MAPK10: variants seen among roughly 807,000 people sequenced by gnomAD.
MAPK10 encodes JNK3 alpha protein kinase.
A neutral mutation model predicts 59.3 loss-of-function variants in MAPK10; 25 were observed. The ratio of observed to expected loss-of-function variants is 0.42; its 90% confidence interval spans 0.31 to 0.59. The LOEUF (loss-of-function observed/expected upper bound fraction) is 0.59, where lower values mean the gene tolerates loss of function less well. Among genes scored for constraint, MAPK10 ranks in the 20% least tolerant of loss-of-function variants. MAPK10 has a pLI of 0.15. For missense variants in MAPK10, 351 were observed against 568.9 expected, an observed-to-expected ratio of 0.62 and a Z score of 3.90; for synonymous variants, 190 against 200.5, an observed-to-expected ratio of 0.95 and a Z score of 0.44.
At chr4:86,590,769 G>C (rs1565088020) in intron 1 of MAPK10, among the ~76,000 whole-genome samples, 1 of 151,844 alleles carries the variant, frequency 6.6e-6, no homozygotes, top group South Asian at 2.1e-4. Context: ...CTGGGTAACA[G>C]AGCAAGACCG....
At chr4:86,291,191 T>C (rs774015964) in intron 2 of MAPK10, among the ~76,000 whole-genome samples, 3 of 152,210 alleles carry the variant, frequency 2.0e-5, no homozygotes, top group Non-Finnish European at 4.4e-5. Flanking sequence ...AGTCATCTGT[T>C]CACTAAATAT....
chr4:86,319,704 G>C, intron 2 of MAPK10, among the ~76,000 whole-genome samples: 1 of 152,136 alleles, frequency 6.6e-6, no homozygotes, highest in East Asian at 1.9e-4. Flanking sequence ...CTCAGCCCTT[G>C]AACAAGCCCA....
intron 2 of MAPK10, among the ~76,000 whole-genome samples, chr4:86,265,298 C>T (rs1179280989): frequency 1.3e-5 from 2 of 151,860 alleles, no homozygotes; most frequent in Admixed American, 6.6e-5. Context: ...CACTTGAGGT[C>T]AGGAGTTTGA....
chr4:86,473,412 T>C (rs1752813209), intron 1 of MAPK10, among the ~76,000 whole-genome samples: 1 of 152,152 alleles, frequency 6.6e-6, no homozygotes, highest in Non-Finnish European at 1.5e-5. Flanking sequence ...TCAAAATAGA[T>C]TGAGTATAGA....
intron 1 of MAPK10, among the ~76,000 whole-genome samples, chr4:86,561,501 A>G (rs1002936776): frequency 2.0e-5 from 3 of 152,158 alleles, no homozygotes; most frequent in African/African-American, 7.2e-5. Flanking sequence ...CCTCTTATCT[A>G]CAATCAACTG....
At chr4:86,484,393 G>A (rs190682743) in intron 1 of MAPK10, among the ~76,000 whole-genome samples, 74 of 152,026 alleles carry the variant, frequency 4.9e-4, no homozygotes, top group Non-Finnish European at 7.9e-4. Flanking sequence ...GCAAGCTTTC[G>A]TAATGTTCTC....
chr4:86,400,126 G>A (rs951459022), intron 1 of MAPK10, among the ~76,000 whole-genome samples: 1 of 152,066 alleles, frequency 6.6e-6, no homozygotes, highest in Non-Finnish European at 1.5e-5. Flanking sequence ...CACATATAAA[G>A]TTCCTGCTAA....
chr4:86,278,759 TC>T (rs1305723974), intron 2 of MAPK10, among the ~76,000 whole-genome samples: 4 of 152,046 alleles, frequency 2.6e-5, no homozygotes, highest in Non-Finnish European at 5.9e-5. Flanking sequence ...AAAAAGTCCT[TC>T]CCCCAAATTC....
intron 1 of MAPK10, among the ~76,000 whole-genome samples, chr4:86,393,616 T>A (rs1352777984): frequency 6.6e-6 from 1 of 152,174 alleles, no homozygotes; most frequent in African/African-American, 2.4e-5. Flanking sequence ...CAAGTAATAT[T>A]TTTAGCTTTT....
At chr4:86,548,168 C>T (rs141098794) in intron 1 of MAPK10, among the ~76,000 whole-genome samples, 5,536 of 152,206 alleles carry the variant, frequency 0.036, 177 homozygotes, top group Non-Finnish European at 0.057. Context: ...AGCTTCACTC[C>T]TGAAGCCAGC....
intron 1 of MAPK10, among the ~76,000 whole-genome samples, chr4:86,451,224 T>C (rs1316775807): frequency 1.3e-5 from 2 of 152,180 alleles, no homozygotes; most frequent in African/African-American, 2.4e-5. Flanking sequence ...ATTACATTTT[T>C]ATCATTCGGT....
chr4:86,545,472 T>TG (rs1759075998), intron 1 of MAPK10, among the ~76,000 whole-genome samples: 1 of 152,130 alleles, frequency 6.6e-6, no homozygotes, highest in Non-Finnish European at 1.5e-5. Context: ...GTGAAGGCCG[T>TG]GACGAAAAGA....
At chr4:86,018,053 CTG>C in intron 13 of MAPK10, among the ~76,000 whole-genome samples, 1 of 152,320 alleles carries the variant, frequency 6.6e-6, no homozygotes, top group South Asian at 2.1e-4. Context: ...TCCTCAGAGA[CTG>C]TATTCAGCCA....
Position 86,298,749 on chromosome 4 carries a change from C to A in MAPK10, c.-7+55781G>T, listed in dbSNP as rs567562466. ...TTCTTGGTGACTGGCCCAAATACAACTTTTACCATTTCATAACCGTCTTCT... is the reference window on the plus strand; with the variant it reads ...TTCTTGGTGACTGGCCCAAATACAAATTTTACCATTTCATAACCGTCTTCT... On this transcript the variant is annotated intron_variant, in intron 2 of 13. Coordinates refer to ENST00000641462, the MANE Select transcript of MAPK10 (RefSeq NM_138982.4). 4.3e-4 allele frequency among the ~76,000 whole-genome samples: 65 copies of A among 152,316 alleles called. 1 individual carries two copies. The highest frequency in any genetic ancestry group is 6.2e-4 in the South Asian group (3 of 4,828).
intron 1 of MAPK10, among the ~76,000 whole-genome samples, chr4:86,366,081 A>G (rs1024919457): frequency 4.6e-5 from 7 of 152,222 alleles, no homozygotes; most frequent in African/African-American, 1.7e-4. Context: ...AGAATAAACT[A>G]CTGAAACATG....
At chr4:86,479,473 C>A (rs1363245039) in intron 1 of MAPK10, among the ~76,000 whole-genome samples, 43 of 117,840 alleles carry the variant, frequency 3.6e-4, no homozygotes, top group Admixed American at 6.5e-4. Flanking sequence ...GCACCCCCCA[C>A]CAAAAAAAAA....
At chr4:86,074,309 C>T (rs1411372574) in intron 9 of MAPK10, among the ~76,000 whole-genome samples, 1 of 147,804 alleles carries the variant, frequency 6.8e-6, no homozygotes, top group African/African-American at 2.5e-5. Flanking sequence ...GATGGGTTTC[C>T]TGAATACAGC....
intron 2 of MAPK10, among the ~76,000 whole-genome samples, chr4:86,204,453 A>G (rs2083357569): frequency 6.6e-6 from 1 of 152,004 alleles, no homozygotes; most frequent in South Asian, 2.1e-4. Context: ...AATTAACATT[A>G]GAGTTATCAC....
At chr4:86,357,454 C>A (rs1173869017) in intron 1 of MAPK10, among the ~76,000 whole-genome samples, 2 of 152,022 alleles carry the variant, frequency 1.3e-5, no homozygotes, top group African/African-American at 4.8e-5. Flanking sequence ...TTAGGTTGGG[C>A]AAATTTGTTT....
Sources: allele counts gnomAD v4.1 joint callset (sites outside exome capture counted in the v4.1 genomes callset), GRCh38; gene constraint gnomAD v4.1.1; transcripts MANE v1.5; gene names NCBI Gene and HGNC (gene_info 2026-07-23, HGNC 2026-07-21).